NOSTRIN: variants seen among roughly 807,000 people sequenced by gnomAD.
NOSTRIN encodes nitric oxide synthase trafficking, also known as BM247 homolog.
NOSTRIN carries 63 observed loss-of-function variants against 59.0 expected under a neutral mutation model. The ratio of observed to expected loss-of-function variants is 1.07; its 90% CI spans 0.87 to 1.32. The LOEUF (loss-of-function observed/expected upper bound fraction) is 1.32, where lower values mean the gene tolerates loss of function less well. NOSTRIN is among the 40% of genes most tolerant of loss of function. The pLI is 0.00. For synonymous variants in NOSTRIN, 200 were observed against 165.4 expected (o/e 1.21, Z -1.61); for missense variants, 512 against 473.1 (o/e 1.08, Z -0.76).
At chr2:168,863,098 A>AATTG (rs914612856) in intron 15 of NOSTRIN, among the ~76,000 whole-genome samples, 3 of 152,270 alleles carry the variant, frequency 2.0e-5, no homozygotes, top group South Asian at 4.2e-4. Context: ...ATTCACAATA[A>AATTG]ATTGATTATC....
At chr2:168,855,603 A>G (rs11900587) in intron 11 of NOSTRIN, 143 bp downstream of exon 11, 8,522 of 379,266 alleles carry the variant, frequency 0.022, 644 homozygotes, top group African/African-American at 0.21. Context: ...CAGTTGTGTG[A>G]ACAAAAAAAA....
At chr2:168,851,435 T>G in intron 10 of NOSTRIN, 31 bp downstream of exon 10, 1 of 1,583,140 alleles carries the variant, frequency 6.3e-7, no homozygotes, top group Non-Finnish European at 8.5e-7. Context: ...AAAAGTTACA[T>G]TAATGGAGAA....
chr2:168,788,284 C>G lies in NOSTRIN; in HGVS notation c.-473+236C>G, dbSNP rs114390268. On this transcript the variant is annotated intron_variant, in intron 2 of 20. Coordinates refer to the NOSTRIN transcript ENST00000458381. ...ATGATGATATTGATGACTTTTTCTT[C>G]TTCCTTTTTCTTTTTCCATTCCTTT... 4.2e-3 allele frequency among the ~76,000 whole-genome samples: 642 copies of G among 151,150 alleles called. 3 individuals are homozygous for G. Among genetic ancestry groups the G allele is most frequent in the African/African-American group, 0.015 (604 of 41,310 alleles).
upstream of NOSTRIN, among the ~76,000 whole-genome samples, chr2:168,795,036 C>T (rs1216096834): frequency 1.3e-5 from 2 of 152,238 alleles, no homozygotes; most frequent in Non-Finnish European, 2.9e-5. Flanking sequence ...GAAAAAATCA[C>T]AATAAATAAC....
chr2:168,840,014 C>G (rs1687979154), intron 7 of NOSTRIN, among the ~76,000 whole-genome samples: 1 of 151,030 alleles, frequency 6.6e-6, no homozygotes, highest in Admixed American at 6.6e-5. Flanking sequence ...AAATTCTAGT[C>G]CACAGCTCTA....
At chr2:168,836,580 T>G (rs749899068) in intron 7 of NOSTRIN, among the ~76,000 whole-genome samples, 7 of 152,222 alleles carry the variant, frequency 4.6e-5, no homozygotes, top group Admixed American at 1.3e-4. Flanking sequence ...AAATTCTTCC[T>G]GGTTTCCTGC....
chr2:168,856,346 G>C, intron 11 of NOSTRIN: 2 of 281,428 alleles, frequency 7.1e-6, no homozygotes, highest in Non-Finnish European at 1.4e-5. Context: ...GGAAGCCAAG[G>C]CGGGTGGATC....
chr2:168,795,559 C>T (rs981928393), upstream of NOSTRIN, among the ~76,000 whole-genome samples: 1 of 152,156 alleles, frequency 6.6e-6, no homozygotes, highest in Non-Finnish European at 1.5e-5. Flanking sequence ...TTGGTTTCCT[C>T]TTCTTTCTCC....
chr2:168,851,496 T>C, intron 10 of NOSTRIN, 92 bp downstream of exon 10: 1 of 1,496,798 alleles, frequency 6.7e-7, no homozygotes, highest in Non-Finnish European at 8.9e-7. Flanking sequence ...AAATATCATG[T>C]TTTATCAATG....
chr2:168,859,736 G>A, intron 13 of NOSTRIN, 99 bp downstream of exon 13: 1 of 1,422,168 alleles, frequency 7.0e-7, no homozygotes, highest in Non-Finnish European at 9.5e-7. Flanking sequence ...GGAATTCTAT[G>A]TGATATTAAT....
At chr2:168,850,691 C>T (rs1490773409) in intron 8 of NOSTRIN, 1 of 596,894 alleles carries the variant, frequency 1.7e-6, no homozygotes, top group Non-Finnish European at 2.9e-6. Context: ...GACAGGTGGA[C>T]CATCTGAGGT....
Position 168,834,007 on chromosome 2 carries a change from C to T in NOSTRIN, c.406-220C>T, listed in dbSNP as rs570725130. On this transcript the variant is annotated intron_variant, in intron 6 of 15. Coordinates refer to ENST00000317647, the MANE Select transcript of NOSTRIN (RefSeq NM_001039724.4). ...AATGAAAAAGTATGCAGGAGTTCTC[C>T]GGACAAAGTGTTAGCTGCTCTGATG... 3.4e-4 allele frequency: 158 copies of T among 463,622 alleles called. 2 individuals are homozygous for T. Among genetic ancestry groups the T allele is most frequent in the South Asian group, 3.0e-3 (76 of 25,480 alleles). 28.7% of individuals were successfully genotyped at this position (463,622 alleles called of 1,614,324 possible).
Position 168,865,163 on chromosome 2 carries a change from G to A in NOSTRIN, c.*193G>A. 1.6e-6 allele frequency: 1 copy of A among 617,248 alleles called. No homozygotes were observed. The highest frequency in any genetic ancestry group is 2.7e-6 in the Non-Finnish European group (1 of 367,664). The allele number at this position is 617,248 out of a possible 1,614,324, so 38.2% of individuals were successfully genotyped here. On this transcript the variant is annotated 3_prime_UTR_variant, in exon 16 of 16. Coordinates refer to ENST00000317647, the MANE Select transcript of NOSTRIN (RefSeq NM_001039724.4). Reference sequence around the variant, plus strand: ...GAAAAAAGATGGATGGGTGGAGACAGACAAGGAAGAGGCTCCTTGGTTCCT... The same window carrying A: ...GAAAAAAGATGGATGGGTGGAGACAAACAAGGAAGAGGCTCCTTGGTTCCT...
chr2:168,849,545 G>A (rs913293257), intron 8 of NOSTRIN, among the ~76,000 whole-genome samples: 3 of 151,418 alleles, frequency 2.0e-5, no homozygotes, highest in South Asian at 2.1e-4. Flanking sequence ...TAGTAGAGAC[G>A]GGGTTTTGCC....
upstream of NOSTRIN, among the ~76,000 whole-genome samples, chr2:168,795,243 G>A (rs947659240): frequency 6.6e-6 from 1 of 152,148 alleles, no homozygotes; most frequent in African/African-American, 2.4e-5. Flanking sequence ...AGACTAAAAC[G>A]ACTCTATACT....
chr2:168,853,898 C>T (rs796695688), intron 10 of NOSTRIN, among the ~76,000 whole-genome samples: 16 of 151,466 alleles, frequency 1.1e-4, no homozygotes, highest in African/African-American at 2.2e-4. Flanking sequence ...GACGGAGTCT[C>T]GCTCTGTGGC....
At chr2:168,824,443 C>T (rs747288799) in intron 2 of NOSTRIN, among the ~76,000 whole-genome samples, 191 bp from the exon 3 acceptor site, 6 of 152,134 alleles carry the variant, frequency 3.9e-5, no homozygotes, top group Admixed American at 6.5e-5. Flanking sequence ...GGATTATAGG[C>T]GCCTGCCACC....
chr2:168,864,152 G>GAGAC (rs1689690167), intron 15 of NOSTRIN, among the ~76,000 whole-genome samples: 1 of 152,028 alleles, frequency 6.6e-6, no homozygotes, highest in South Asian at 2.1e-4. Context: ...ATTTTTAGTA[G>GAGAC]AGACGGGGTT....
intron 2 of NOSTRIN, among the ~76,000 whole-genome samples, chr2:168,788,906 GAT>G (rs1481899967): frequency 4.6e-5 from 7 of 151,770 alleles, no homozygotes; most frequent in African/African-American, 1.7e-4. Context: ...TAGATAGATA[GAT>G]AGATAGATAG....
Sources: gnomAD v4.1 joint callset for allele counts (sites outside exome capture counted in the v4.1 genomes callset) on GRCh38, gnomAD v4.1.1 for gene constraint, MANE v1.5 for transcripts, NCBI Gene and HGNC (gene_info 2026-07-23, HGNC 2026-07-21) for gene names.